PLCD1: variants seen among roughly 807,000 people sequenced by gnomAD.
PLCD1 encodes the protein phospholipase C delta 1, also known as 1-phosphatidylinositol 4,5-bisphosphate phosphodiesterase delta-1.
A neutral mutation model predicts 87.4 loss-of-function variants in PLCD1; 71 were observed. The ratio of observed to expected loss-of-function variants is 0.81; its 90% CI spans 0.67 to 0.99. PLCD1 has a LOEUF of 0.99. PLCD1 is among the 50% of genes least tolerant of loss of function. The pLI is 0.00. For synonymous variants in PLCD1, 348 were observed against 399.2 expected, an observed-to-expected ratio of 0.87 and a Z score of 1.53; for missense variants, 867 against 1,001.5, an observed-to-expected ratio of 0.87 and a Z score of 1.81.
intron 1 of PLCD1, chr3:38,024,778 A>C: frequency 1.6e-6 from 2 of 1,282,156 alleles, no homozygotes; most frequent in Non-Finnish European, 2.0e-6. Context: ...AGGAGGCGGG[A>C]CGAGAAGAAA....
chr3:38,011,259 C>T lies in PLCD1; in HGVS notation c.745G>A (p.Ala249Thr). 6.2e-7 allele frequency: 1 copy of T among 1,611,474 alleles called. No individual in the cohort carries two copies. Among genetic ancestry groups the T allele is most frequent in the Non-Finnish European group, 8.5e-7 (1 of 1,180,006 alleles). Residue 249 changes from alanine to threonine, a missense_variant, in exon 5 of 15, where the codon GCG becomes ACG. Physicochemically the swap from Ala to Thr is moderately conservative, Grantham distance 58 (BLOSUM62 0). Transcript: ENST00000334661. ...CGCTCAATGAGGGAGAGGGCCAGCG[C>T]AGGCCCTGCCGCCTCCTCCCGCTGC... is the stretch of plus-strand genomic sequence containing the variant. ...HQQREEAAGPALALSLIERYE... is the reference protein window; with the variant it reads ...HQQREEAAGPTLALSLIERYE...
chr3:38,015,353 C>T (rs749139804), intron 3 of PLCD1, among the ~76,000 whole-genome samples: 3 of 152,168 alleles, frequency 2.0e-5, no homozygotes, highest in African/African-American at 4.8e-5. Context: ...TCCATGATTC[C>T]GTTTCTGTAA....
At chr3:38,027,073 G>A (rs1322009160) in intron 1 of PLCD1, among the ~76,000 whole-genome samples, 1 of 152,164 alleles carries the variant, frequency 6.6e-6, no homozygotes, top group Non-Finnish European at 1.5e-5. Context: ...TGCTAGAGAA[G>A]CCAGTCCAGG....
chr3:38,025,284 G>A lies in PLCD1; in HGVS notation c.34+4222C>T, dbSNP rs1178430155. On this transcript the variant is annotated intron_variant, in intron 1 of 14. Transcript: ENST00000334661. The surrounding 1 kb of genome is among the most constrained non-coding windows in gnomAD (Gnocchi z 4.0). Reference sequence around the variant, plus strand: ...AGTGTGGGCGGGGTCTGACCAAGGAGCCGGAGCGGCGAATTCTAACGCCAC... The same window carrying A: ...AGTGTGGGCGGGGTCTGACCAAGGAACCGGAGCGGCGAATTCTAACGCCAC... Among the ~76,000 whole-genome samples, 1 of 152,238 alleles carries A rather than the reference G, an allele frequency of 6.6e-6. No homozygotes were observed. Among genetic ancestry groups the A allele is most frequent in the Non-Finnish European group, 1.5e-5 (1 of 68,038 alleles).
intron 1 of PLCD1, among the ~76,000 whole-genome samples, chr3:38,027,129 A>T (rs1279832266): frequency 1.3e-5 from 2 of 152,150 alleles, no homozygotes; most frequent in Non-Finnish European, 2.9e-5. Context: ...AGGAAGGAGG[A>T]TGGATGCTGT....
intron 1 of PLCD1, among the ~76,000 whole-genome samples, chr3:38,023,528 G>A (rs1206290123): frequency 2.0e-5 from 3 of 152,168 alleles, no homozygotes; most frequent in Non-Finnish European, 4.4e-5. Context: ...AGAGGAAACT[G>A]AGGCTCAAGG....
At chr3:38,027,595 A>G (rs749677340) in intron 1 of PLCD1, among the ~76,000 whole-genome samples, 16 of 152,198 alleles carry the variant, frequency 1.1e-4, no homozygotes, top group Non-Finnish European at 2.2e-4. Flanking sequence ...GGTGAGCCGC[A>G]TAGCTCCCCA....
intron 1 of PLCD1, among the ~76,000 whole-genome samples, chr3:38,029,236 G>T (rs1175817004): frequency 6.6e-6 from 1 of 152,258 alleles, no homozygotes; most frequent in Admixed American, 6.5e-5. Context: ...TCCGCGAGGC[G>T]GAGGGAAGTC....
intron 1 of PLCD1, among the ~76,000 whole-genome samples, chr3:38,023,262 C>T (rs1700260435): frequency 6.6e-6 from 1 of 152,202 alleles, no homozygotes. Flanking sequence ...ACCACTCACA[C>T]AACCTCAAAG....
intron 1 of PLCD1, among the ~76,000 whole-genome samples, chr3:38,027,345 C>A (rs1357083414): frequency 6.6e-6 from 1 of 152,214 alleles, no homozygotes. Context: ...GTACCAGGCA[C>A]TGTTCTAACT....
In PLCD1 at chr3:38,010,449, G is replaced by C. The variant is rs1326552473; in HGVS notation, c.904C>G (p.Leu302Val). The C allele has an allele frequency of 1.2e-6, 2 of 1,614,122 alleles. No homozygotes were observed. The highest frequency in any genetic ancestry group is 1.7e-6 in the Non-Finnish European group (2 of 1,180,030). Residue 302 changes from leucine to valine, a missense_variant, in exon 6 of 15, where the codon CTT becomes GTT. Leu to Val is a conservative substitution (Grantham distance 32, BLOSUM62 1). Transcript: ENST00000334661. Reference sequence around the variant, plus strand: ...GAAGAGGACACCAGGTAGTGGCTAAGTGGCTGGCCCATGTCCTGGTAGACA... The same window carrying C: ...GAAGAGGACACCAGGTAGTGGCTAACTGGCTGGCCCATGTCCTGGTAGACA... ...RRVYQDMGQP[L>V]SHYLVSSSHN... is the part of the protein sequence containing the mutation.
rs1191760647 is a variant in PLCD1, at chr3:38,029,614, C to A, written c.-75G>T. On this transcript the variant is annotated 5_prime_UTR_variant, in exon 1 of 15. Transcript: ENST00000334661. ...GCGACAGCACCGGCGGCCTGGGGTC[C>A]GAGCGGAGTGCGGTGCAGGGACCTG... The A allele has an allele frequency of 1.4e-6, 2 of 1,416,182 alleles. No individual in the cohort carries two copies. Among genetic ancestry groups the A allele is most frequent in the Non-Finnish European group, 1.9e-6 (2 of 1,041,094 alleles). The allele number at this position is 1,416,182 out of a possible 1,614,324, so 87.7% of individuals were successfully genotyped here.
chr3:38,016,447 G>T, intron 3 of PLCD1, 44 bp downstream of exon 3: 1 of 1,361,370 alleles, frequency 7.3e-7, no homozygotes, highest in Non-Finnish European at 1.0e-6. Context: ...ACCACAGCCA[G>T]TGTCCACAAG....
chr3:38,008,971 G>T, intron 11 of PLCD1, 71 bp downstream of exon 11: 1 of 1,286,676 alleles, frequency 7.8e-7, no homozygotes, highest in Admixed American at 1.7e-5. Flanking sequence ...CATGGCCTTC[G>T]AGGCTCCAGG....
chr3:38,023,250 C>T (rs938668738), intron 1 of PLCD1, among the ~76,000 whole-genome samples: 6 of 152,142 alleles, frequency 3.9e-5, no homozygotes, highest in African/African-American at 1.4e-4. Flanking sequence ...ACACACTAGA[C>T]CACCACTCAC....
At position 38,010,182 on chromosome 3, in the gene PLCD1, G is replaced by A. The variant is rs1700048054; in HGVS notation, c.1086C>T (p.Ser362=). The change falls in exon 7 of 15, where the codon TCC becomes TCT. Residue 362 remains serine (S), a synonymous_variant. Coordinates refer to ENST00000334661, the MANE Select transcript of PLCD1 (RefSeq NM_006225.4). ...PIIYHGYTFT[S]KILFCDVLRA... The stretch of plus-strand genomic sequence containing the variant: ...TGAGCACATCGCAGAAGAGGATCTT[G>A]GAAGTGAAAGTATAGCCGTGGTAGA... 3 of 1,614,244 alleles carry A rather than the reference G, an allele frequency of 1.9e-6. No individual in the cohort carries two copies. The highest frequency in any genetic ancestry group is 2.5e-6 in the Non-Finnish European group (3 of 1,180,032).
rs557848698 is a variant in PLCD1, at chr3:38,020,491, C to G, written c.35-139G>C. 51 of 803,986 alleles carry G rather than the reference C, an allele frequency of 6.3e-5. 1 individual carries two copies. Among genetic ancestry groups the G allele is most frequent in the East Asian group, 5.0e-4 (19 of 38,094 alleles). 49.8% of individuals were successfully genotyped at this position (803,986 alleles called of 1,614,324 possible). On this transcript the variant is annotated intron_variant, in intron 1 of 14. Coordinates refer to ENST00000334661, the MANE Select transcript of PLCD1 (RefSeq NM_006225.4). ...CATCCTCAGCTCTGTTTACTCCTCC[C>G]TCCTCCACCCATGCTCCAACCTGCT...
Position 38,011,602 on chromosome 3 carries a change from T to C in PLCD1, c.500A>G (p.Asn167Ser). ...DNKMSFKELQ[N>S]FLKELNIQVD... ...CTGGATGTTGAGCTCCTTCAGGAAG[T>C]TCTGCAGCTCCTTGAAGCTCATCTT... The change falls in exon 4 of 15, where the codon AAC (asparagine) becomes AGC (serine). Residue 167 changes from asparagine to serine, a missense_variant. Coordinates refer to ENST00000334661, the MANE Select transcript of PLCD1 (RefSeq NM_006225.4). 1 of 1,614,174 alleles carries C rather than the reference T, an allele frequency of 6.2e-7. No individual in the cohort carries two copies. The highest frequency in any genetic ancestry group is 8.5e-7 in the Non-Finnish European group (1 of 1,179,988).
chr3:38,014,456 G>A (rs1177438192), intron 3 of PLCD1: 3 of 153,704 alleles, frequency 2.0e-5, no homozygotes, highest in Admixed American at 6.5e-5. Context: ...TTTTGGATTA[G>A]GCAAAGCTTT....
Sources: allele counts gnomAD v4.1 joint callset (sites outside exome capture counted in the v4.1 genomes callset), GRCh38; gene constraint gnomAD v4.1.1; non-coding constraint Gnocchi (gnomAD v3.1); transcripts MANE v1.5; gene names NCBI Gene and HGNC (gene_info 2026-07-23, HGNC 2026-07-21).